MED6: variants seen among roughly 807,000 people sequenced by gnomAD.
MED6 encodes mediator complex subunit 6.
In MED6, 33 loss-of-function variants were observed where a neutral mutation model predicts 37.5. That is an observed-to-expected ratio of 0.88 (90% CI 0.67 to 1.18). The LOEUF is 1.18. Among genes scored for constraint, MED6 ranks in the 50% most tolerant of loss-of-function variants. The pLI is 0.00. For synonymous variants in MED6, 94 were observed against 93.6 expected, an observed-to-expected ratio of 1.00 and a Z score of -0.02; for missense variants, 235 against 290.6, an observed-to-expected ratio of 0.81 and a Z score of 1.39.
chr14:70,593,593 C>T (rs1180055072), intron 3 of MED6, among the ~76,000 whole-genome samples: 2 of 152,188 alleles, frequency 1.3e-5, no homozygotes, highest in Non-Finnish European at 2.9e-5. Context: ...ACAGAGACTA[C>T]GAGGCCCACA....
chr14:70,595,809 T>C, intron 3 of MED6: 1 of 698,206 alleles, frequency 1.4e-6, no homozygotes, highest in Admixed American at 1.9e-5. Flanking sequence ...ACCAACAACA[T>C]CAAAATTCTG....
chr14:70,590,047 C>G (rs1390849967), intron 6 of MED6, among the ~76,000 whole-genome samples: 2 of 152,184 alleles, frequency 1.3e-5, no homozygotes, highest in Non-Finnish European at 2.9e-5. Flanking sequence ...TTTTAAACTA[C>G]TGAGATATTT....
In MED6 at chr14:70,597,622, A is replaced by G. The variant is rs1885082582; in HGVS notation, c.178T>C (p.Leu60=). ...CACCTTCTTAAAATAACTTACTTCA[A>G]GTGTTCTAATGTTAGCCTCTGCATT... ...VKMQRLTLEH[L]NQMVGIEYIL... is the part of the protein sequence containing the mutation. Residue 60 remains leucine (L), a synonymous_variant, in exon 2 of 8, where the codon TTG becomes CTG. Coordinates refer to ENST00000256379, the MANE Select transcript of MED6 (RefSeq NM_005466.4). The G allele has an allele frequency of 2.1e-6, 3 of 1,460,388 alleles. No homozygotes were observed. The highest frequency in any genetic ancestry group is 5.3e-5 in the East Asian group (2 of 37,526). The allele number at this position is 1,460,388 out of a possible 1,614,324, so 90.5% of individuals were successfully genotyped here. A position where few individuals can be genotyped will look rare whatever the true frequency, so the allele number is the denominator to read the frequency against.
Position 70,584,363 on chromosome 14 carries a change from T to C in MED6, c.*450A>G, listed in dbSNP as rs946272955. ...TATAACAAATATTCACAAGAAATCA[T>C]GATGGGAATAATATCTTTTCTTCTT... On this transcript the variant is annotated 3_prime_UTR_variant, in exon 8 of 8. Transcript: ENST00000256379. 12 of 482,444 alleles carry C rather than the reference T, an allele frequency of 2.5e-5. No homozygotes were observed. Among genetic ancestry groups the C allele is most frequent in the African/African-American group, 2.0e-4 (10 of 50,550 alleles). 29.9% of individuals were successfully genotyped at this position (482,444 alleles called of 1,614,324 possible).
chr14:70,594,667 G>C (rs994524893), intron 3 of MED6: 5 of 452,882 alleles, frequency 1.1e-5, no homozygotes, highest in Admixed American at 2.7e-5. Context: ...ACAGGCACCG[G>C]AGGCTCTGGT....
rs187627134 is a variant in MED6, at chr14:70,590,642, C to G, written c.582+624G>C. 3.3e-3 allele frequency among the ~76,000 whole-genome samples: 506 copies of G among 152,302 alleles called. 2 individuals carry two copies. The highest frequency in any genetic ancestry group is 0.01 in the Middle Eastern group (3 of 294). On this transcript the variant is annotated intron_variant, in intron 6 of 7. Coordinates refer to ENST00000256379, the MANE Select transcript of MED6 (RefSeq NM_005466.4). ...GAAGAATTGAGACTAGCCATGAGAA[C>G]AGCATATTCATCTATTCCATTCCAT...
At position 70,597,745 on chromosome 14, in the gene MED6, A is replaced by G. The variant is rs751525980; in HGVS notation, c.55T>C (p.Ser19Pro). The G allele has an allele frequency of 6.4e-7, 1 of 1,554,054 alleles. No individual in the cohort carries two copies. Among genetic ancestry groups the G allele is most frequent in the Non-Finnish European group, 8.6e-7 (1 of 1,162,306 alleles). Reference protein sequence around the residue: ...NLLGISWVDSSWIPILNSGSV... With the variant: ...NLLGISWVDSPWIPILNSGSV... ...CCACTGTTCAAAATAGGGATCCAAG[A>G]GCTGTCAACCCAAGAAATTCCCAGC... Residue 19 changes from serine to proline, a missense_variant, in exon 2 of 8, where the codon TCT becomes CCT. Coordinates refer to ENST00000256379, the MANE Select transcript of MED6 (RefSeq NM_005466.4).
At chr14:70,600,471 G>T in intron 1 of MED6, 145 bp downstream of exon 1, 1 of 719,932 alleles carries the variant, frequency 1.4e-6, no homozygotes, top group Non-Finnish European at 2.1e-6. Flanking sequence ...CGTTTCGCTA[G>T]ATCACAGCCT....
At chr14:70,591,998 A>G (rs1258617903) in intron 5 of MED6, among the ~76,000 whole-genome samples, 1 of 152,216 alleles carries the variant, frequency 6.6e-6, no homozygotes, top group Non-Finnish European at 1.5e-5. Flanking sequence ...TACTCCGAAC[A>G]CTTGGTTATC....
At chr14:70,593,166 T>G (rs1884935917) in intron 4 of MED6, 130 bp downstream of exon 4, 6 of 1,205,330 alleles carry the variant, frequency 5.0e-6, no homozygotes, top group Non-Finnish European at 7.1e-6. Context: ...GTAACCAAAG[T>G]TCAAGACATT....
At chr14:70,592,479 T>TC (rs1884907049) in intron 5 of MED6, 3 of 30,974 alleles carry the variant, frequency 9.7e-5, no homozygotes, top group Non-Finnish European at 1.8e-4. Context: ...CCTATGTTCC[T>TC]TTTTTTTTTT....
chr14:70,595,929 G>A lies in MED6; in HGVS notation c.274+682C>T, dbSNP rs771843271. 5.4e-4 allele frequency among the ~76,000 whole-genome samples: 82 copies of A among 152,124 alleles called. 1 individual carries two copies. Among genetic ancestry groups the A allele is most frequent in the Non-Finnish European group, 9.8e-4 (67 of 68,034 alleles). ...TACTTGGGATGCTTGACGTTCAGTC[G>A]GTATACCAACTGTGCTCACAGAAAG... On this transcript the variant is annotated intron_variant, in intron 3 of 7. Coordinates refer to ENST00000256379, the MANE Select transcript of MED6 (RefSeq NM_005466.4).
intron 3 of MED6, chr14:70,594,839 AC>A: frequency 1.6e-6 from 1 of 644,422 alleles, no homozygotes; most frequent in East Asian, 3.3e-5. Flanking sequence ...CTGACCTCCT[AC>A]CTGGACAGAG....
chr14:70,584,000 C>A lies in MED6; in HGVS notation c.*813G>T, dbSNP rs773021277. On this transcript the variant is annotated 3_prime_UTR_variant, in exon 8 of 8. Coordinates refer to ENST00000256379, the MANE Select transcript of MED6 (RefSeq NM_005466.4). Reference sequence around the variant, plus strand: ...TATTGAAAAAAGAAGTATCTACACACAGAATAAGATTAAAATTCACAACAC... The same window carrying A: ...TATTGAAAAAAGAAGTATCTACACAAAGAATAAGATTAAAATTCACAACAC... The A allele has an allele frequency of 6.5e-6, 3 of 460,162 alleles. No homozygotes were observed. The Admixed American group carries it at 1.1e-4, about 17-fold the overall frequency. The allele number at this position is 460,162 out of a possible 1,614,324, so 28.5% of individuals were successfully genotyped here. A position where few individuals can be genotyped will look rare whatever the true frequency, so the allele number is the denominator to read the frequency against.
chr14:70,593,938 A>T (rs988258773), intron 3 of MED6, among the ~76,000 whole-genome samples: 4 of 152,118 alleles, frequency 2.6e-5, no homozygotes, highest in African/African-American at 9.7e-5. Context: ...CGTCTTGTGT[A>T]ATTTTTACAC....
chr14:70,593,110 A>G, intron 4 of MED6, 122 bp from the exon 5 acceptor site: 5 of 1,379,196 alleles, frequency 3.6e-6, no homozygotes, highest in Non-Finnish European at 5.0e-6. Flanking sequence ...AAATTACTAT[A>G]TAATTGAGAC....
intron 6 of MED6, among the ~76,000 whole-genome samples, chr14:70,588,887 A>G (rs779582266): frequency 6.6e-6 from 1 of 152,060 alleles, no homozygotes; most frequent in Non-Finnish European, 1.5e-5. Flanking sequence ...TCTATAAAGT[A>G]AAGAGTTTTT....
chr14:70,592,478 C>CTTTTTTTTTTTTTT (rs201036704), intron 5 of MED6: 2 of 88,858 alleles, frequency 2.3e-5, no homozygotes, highest in African/African-American at 1.2e-4. Context: ...TCCTATGTTC[C>CTTTTTTTTTTTTTT]TTTTTTTTTT....
At chr14:70,595,361 TGAG>T (rs1359514494) in intron 3 of MED6, 2 of 563,766 alleles carry the variant, frequency 3.5e-6, no homozygotes, top group African/African-American at 1.8e-5. Flanking sequence ...CTCAGCAGAT[TGAG>T]GAGAACACCA....
Sources: gnomAD v4.1 joint callset for allele counts (sites outside exome capture counted in the v4.1 genomes callset) on GRCh38, gnomAD v4.1.1 for gene constraint, MANE v1.5 for transcripts, NCBI Gene and HGNC (gene_info 2026-07-23, HGNC 2026-07-21) for gene names.